The following HIVEP3 variants were observed in gnomAD, a reference collection of about 807,000 sequenced individuals.
HIVEP3 encodes the protein transcription factor HIVEP3.
A neutral mutation model predicts 152.8 loss-of-function variants in HIVEP3; 49 were observed. The observed-to-expected ratio is 0.32, with a 90% CI of 0.26 to 0.41. The LOEUF is 0.41. Ranked by LOEUF, HIVEP3 falls within the 10% of genes least tolerant of loss-of-function variation. HIVEP3 has a pLI of 1.00. For missense variants in HIVEP3, 2,790 were observed against 3,103.3 expected (o/e 0.90, Z 2.40); for synonymous variants, 1,269 against 1,289.0 (o/e 0.98, Z 0.33).
At chr1:41,860,531 A>AT (rs1643874273) in intron 1 of HIVEP3, among the ~76,000 whole-genome samples, 1 of 152,198 alleles carries the variant, frequency 6.6e-6, no homozygotes, top group South Asian at 2.1e-4. Context: ...GGACTTGGAG[A>AT]ATTCCATTGT....
rs1423578877 is a variant in HIVEP3, at chr1:41,873,576, C to T, written c.-801+44837G>A. Among the ~76,000 whole-genome samples the T allele has an allele frequency of 1.3e-5, 2 of 152,234 alleles. No homozygotes were observed. Among genetic ancestry groups the T allele is most frequent in the East Asian group, 3.8e-4 (2 of 5,204 alleles). ...TTACATGAGATAACTTCCCAAGACA[C>T]TAAGCTGAAATTAGATAAATTTAGG... On this transcript the variant is annotated intron_variant, in intron 1 of 8. Coordinates refer to ENST00000372583, the MANE Select transcript of HIVEP3 (RefSeq NM_024503.5). This position sits in a 1 kb window ranked among gnomAD's most constrained non-coding sequence, Gnocchi z 4.2.
chr1:41,544,381 T>C (rs1643609207), intron 5 of HIVEP3: 1 of 151,870 alleles, frequency 6.6e-6, no homozygotes, highest in South Asian at 2.1e-4. Flanking sequence ...TTGCCTGAGG[T>C]CACACAACCA....
intron 2 of HIVEP3, among the ~76,000 whole-genome samples, chr1:41,661,238 C>T (rs1317907807): frequency 6.6e-6 from 1 of 152,188 alleles, no homozygotes; most frequent in East Asian, 1.9e-4. Context: ...CCCCTATGTC[C>T]TTGATGAAAC....
intron 5 of HIVEP3, among the ~76,000 whole-genome samples, chr1:41,535,190 G>T (rs1163266634): frequency 6.6e-6 from 1 of 152,100 alleles, no homozygotes; most frequent in African/African-American, 2.4e-5. Context: ...GCCGACCAAG[G>T]TTTTGTTAGC....
chr1:41,797,479 G>A (rs1045717517), intron 1 of HIVEP3, among the ~76,000 whole-genome samples: 2 of 152,094 alleles, frequency 1.3e-5, no homozygotes, highest in African/African-American at 2.4e-5. Flanking sequence ...GAGGAAAGAC[G>A]GCTTTTAAAT....
chr1:41,922,782 T>C (rs565709388), upstream of HIVEP3, among the ~76,000 whole-genome samples: 3 of 117,776 alleles, frequency 2.5e-5, no homozygotes, highest in Non-Finnish European at 5.5e-5. Context: ...CAGGTAAAAA[T>C]CACTAAAAAA....
intron 7 of HIVEP3, among the ~76,000 whole-genome samples, chr1:41,514,580 T>G (rs1465638695): frequency 6.6e-5 from 10 of 152,216 alleles, no homozygotes; most frequent in Non-Finnish European, 2.9e-5. Flanking sequence ...CGCTCTTATC[T>G]GAGGAGCCAC....
At position 41,580,163 on chromosome 1, in the gene HIVEP3, C is replaced by T; in HGVS notation, c.4635G>A (p.Gly1545=). The T allele has an allele frequency of 6.2e-7, 1 of 1,613,182 alleles. No homozygotes were observed. The highest frequency in any genetic ancestry group is 1.3e-5 in the African/African-American group (1 of 74,992). The change falls in exon 4 of 9, where the codon GGG becomes GGA. Residue 1545 remains glycine, a synonymous_variant. Coordinates refer to ENST00000372583, the MANE Select transcript of HIVEP3 (RefSeq NM_024503.5). ...CTTTCTTCACGCTCAGTGGGGTCAA[C>T]CCTCTTCGGTGAGGTTTGCCAGATG... The part of the protein sequence containing the change: ...PQPSGKPHRR[G]LTPLSVKKED...
chr1:41,838,720 A>G (rs1447280729), intron 1 of HIVEP3, among the ~76,000 whole-genome samples: 1 of 152,202 alleles, frequency 6.6e-6, no homozygotes, highest in African/African-American at 2.4e-5. Flanking sequence ...TGGAGTCAAT[A>G]ATACCAGTAT....
chr1:41,672,482 T>G (rs542612515), intron 2 of HIVEP3, among the ~76,000 whole-genome samples: 29 of 152,356 alleles, frequency 1.9e-4, no homozygotes, highest in African/African-American at 7.0e-4. Flanking sequence ...TGCCTCTCCC[T>G]ACCTTTCTGT....
At chr1:41,879,340 C>A (rs904765560) in intron 1 of HIVEP3, among the ~76,000 whole-genome samples, 7 of 152,220 alleles carry the variant, frequency 4.6e-5, no homozygotes, top group African/African-American at 1.7e-4. Context: ...ATCGTCCAGA[C>A]AGATCTCAAG....
At chr1:41,658,972 G>A (rs957525324) in intron 2 of HIVEP3, among the ~76,000 whole-genome samples, 8 of 152,188 alleles carry the variant, frequency 5.3e-5, no homozygotes, top group Non-Finnish European at 1.0e-4. Flanking sequence ...GGTTGGGGAT[G>A]GACAGATCTA....
rs368125655 is a variant in HIVEP3 at position 41,580,566 on chromosome 1, G to A, written c.4232C>T (p.Ser1411Leu). The A allele has an allele frequency of 3.7e-6, 6 of 1,614,088 alleles. No homozygotes were observed. Among genetic ancestry groups the A allele is most frequent in the Non-Finnish European group, 3.4e-6 (4 of 1,180,044 alleles). ...TLPERKGTSL[S>L]SESILSLEGS... is the part of the protein sequence containing the mutation. ...CTCCAGGCTCAAGATACTCTCTGAT[G>A]ACAGGGAAGTGCCTTTTCTTTCAGG... Residue 1411 changes from serine (S) to leucine (L), a missense_variant, in exon 4 of 9, where the codon TCA becomes TTA. Ser to Leu is a moderately radical substitution (Grantham distance 145). This residue lies in a region of HIVEP3 where 1,078 missense variants were observed against 1,165.3 expected (regional missense o/e 0.93). Coordinates refer to ENST00000372583, the MANE Select transcript of HIVEP3 (RefSeq NM_024503.5).
Position 41,584,228 on chromosome 1 carries a change from G to T in HIVEP3, c.570C>A (p.Gly190=). 1 of 1,614,070 alleles carries T rather than the reference G, an allele frequency of 6.2e-7. No individual in the cohort carries two copies. The highest frequency in any genetic ancestry group is 8.5e-7 in the Non-Finnish European group (1 of 1,179,944). ...GGCTGCAGTACTGGCAGATGTACTT[G>T]CCTGGCTTCTGGGGCTTCCTCTCCT... ...HKKERKPQKP[G]KYICQYCSRP... The change falls in exon 4 of 9, where the codon GGC becomes GGA. Residue 190 remains glycine, a synonymous_variant. Transcript: ENST00000372583. The surrounding 1 kb of genome is among the most constrained non-coding windows in gnomAD (Gnocchi z 5.2).
intron 1 of HIVEP3, among the ~76,000 whole-genome samples, chr1:41,712,585 A>T (rs1646530137): frequency 6.6e-6 from 1 of 152,230 alleles, no homozygotes; most frequent in Non-Finnish European, 1.5e-5. Flanking sequence ...ACTTTAGCAC[A>T]TGAGATGCGC....
intron 1 of HIVEP3, among the ~76,000 whole-genome samples, chr1:41,719,983 G>A (rs1406730994): frequency 2.6e-5 from 4 of 152,302 alleles, no homozygotes; most frequent in African/African-American, 7.2e-5. Flanking sequence ...AAGCTAAGAC[G>A]GAAGTGATTT....
chr1:41,669,630 C>T (rs778632189), intron 2 of HIVEP3, among the ~76,000 whole-genome samples: 2 of 152,180 alleles, frequency 1.3e-5, no homozygotes, highest in Non-Finnish European at 2.9e-5. Flanking sequence ...CTTTTCCTGC[C>T]TTTGCACCAG....
intron 1 of HIVEP3, among the ~76,000 whole-genome samples, chr1:41,908,573 C>G (rs1375618521): frequency 6.6e-6 from 1 of 152,148 alleles, no homozygotes; most frequent in African/African-American, 2.4e-5. Flanking sequence ...CATAGTCTTT[C>G]ATGGTTTCAA....
intron 2 of HIVEP3, among the ~76,000 whole-genome samples, chr1:41,653,518 A>G (rs148884895): frequency 2.6e-5 from 4 of 152,300 alleles, no homozygotes; most frequent in East Asian, 1.9e-4. Context: ...CAAACACACC[A>G]TGGGAAAAGC....
Sources: gnomAD v4.1 joint callset for allele counts (sites outside exome capture counted in the v4.1 genomes callset) on GRCh38, gnomAD v4.1.1 for gene constraint, gnomAD v4.1.1 regional missense constraint, Gnocchi (gnomAD v3.1) non-coding constraint, MANE v1.5 for transcripts, NCBI Gene and HGNC (gene_info 2026-07-23, HGNC 2026-07-21) for gene names.